Variants in EPHA5 observed in about 807,000 individuals in gnomAD.
EPHA5 encodes ephrin type-A receptor 5.
In EPHA5, 60 loss-of-function variants were observed where a neutral mutation model predicts 105.0. That is an observed-to-expected ratio of 0.57 (90% CI 0.46 to 0.71). EPHA5 has a LOEUF of 0.71. Ranked by LOEUF, EPHA5 falls within the 30% of genes least tolerant of loss-of-function variation. The pLI is 0.00. For missense variants in EPHA5, 1,218 were observed against 1,274.7 expected, an observed-to-expected ratio of 0.96 and a Z score of 0.68; for synonymous variants, 513 against 449.1, an observed-to-expected ratio of 1.14 and a Z score of -1.80.
rs1325275190 is a variant in EPHA5 at position 65,444,653 on chromosome 4, G to A, written c.1403-24088C>T. On this transcript the variant is annotated intron_variant, in intron 5 of 16. Transcript: ENST00000613740. ...TAAAATACTTAGTGTATAAATTGTG[G>A]ATTTACTTCAGATCAGAAACATTTT... Among the ~76,000 whole-genome samples, 3 of 152,016 alleles carry A rather than the reference G, an allele frequency of 2.0e-5. No individual in the cohort carries two copies. In the East Asian group the frequency reaches 5.8e-4, roughly 29 times the overall value.
Position 65,555,936 on chromosome 4 carries a change from A to T in EPHA5, c.910+45705T>A, listed in dbSNP as rs1313460613. Among the ~76,000 whole-genome samples, 6 of 152,280 alleles carry T rather than the reference A, an allele frequency of 3.9e-5. No homozygotes were observed. The East Asian group carries it at 1.2e-3, about 29-fold the overall frequency. On this transcript the variant is annotated intron_variant, in intron 3 of 16. Transcript: ENST00000613740. ...ACAAAAAAGACTATGGAAAACATAT[A>T]ACAGCTTTCCAAATGTTCAGAAATG...
At chr4:65,589,570 A>G (rs1412584527) in intron 3 of EPHA5, among the ~76,000 whole-genome samples, 2 of 152,186 alleles carry the variant, frequency 1.3e-5, no homozygotes, top group Non-Finnish European at 2.9e-5. Flanking sequence ...CTCTAAGTGA[A>G]GTATGGAAGA....
chr4:65,639,588 T>C (rs1747457829), intron 2 of EPHA5, among the ~76,000 whole-genome samples: 1 of 152,186 alleles, frequency 6.6e-6, no homozygotes, highest in Admixed American at 6.5e-5. Flanking sequence ...TTATCCTGCT[T>C]ATGTTTGCTG....
Position 65,323,872 on chromosome 4 carries a change from G to C in EPHA5, c.*242C>G, listed in dbSNP as rs1364087148. On this transcript the variant is annotated 3_prime_UTR_variant, in exon 17 of 17. Transcript: ENST00000613740. Reference sequence around the variant, plus strand: ...GGATTCTGTTGTTGTAACTTAAGATGATGTCTAACTTCATGTCCCTTTTAA... The same window carrying C: ...GGATTCTGTTGTTGTAACTTAAGATCATGTCTAACTTCATGTCCCTTTTAA... 3.0e-6 allele frequency: 1 copy of C among 329,014 alleles called. No individual in the cohort carries two copies. The highest frequency in any genetic ancestry group is 2.1e-5 in the African/African-American group (1 of 46,974). 20.4% of individuals were successfully genotyped at this position (329,014 alleles called of 1,614,324 possible).
At chr4:65,401,560 T>C (rs1054949857) in intron 8 of EPHA5, among the ~76,000 whole-genome samples, 13 of 152,150 alleles carry the variant, frequency 8.5e-5, no homozygotes, top group Non-Finnish European at 8.8e-5. Flanking sequence ...TAAAAAACTA[T>C]AAGCCTCAGA....
chr4:65,650,288 C>T (rs375484066), intron 1 of EPHA5, among the ~76,000 whole-genome samples: 19 of 151,878 alleles, frequency 1.3e-4, no homozygotes, highest in African/African-American at 2.2e-4. Context: ...TGGCTCACGC[C>T]TGTGATCCCA....
intron 3 of EPHA5, chr4:65,574,294 C>A: frequency 3.8e-6 from 6 of 1,564,804 alleles, no homozygotes; most frequent in South Asian, 1.2e-5. Context: ...TTTGCCCTGA[C>A]GAATGGAATT....
At chr4:65,441,867 T>G (rs1408179390) in intron 5 of EPHA5, among the ~76,000 whole-genome samples, 1 of 152,132 alleles carries the variant, frequency 6.6e-6, no homozygotes, top group East Asian at 1.9e-4. Flanking sequence ...CAATTGCACT[T>G]CTTGATTACA....
chr4:65,353,354 G>T (rs1183686123), intron 11 of EPHA5, among the ~76,000 whole-genome samples: 1 of 147,284 alleles, frequency 6.8e-6, no homozygotes. Flanking sequence ...ATTTTTTAAA[G>T]TATTTTAAAA....
In EPHA5 at chr4:65,366,026, A is replaced by T; in HGVS notation, c.1893T>A (p.Asp631Glu). The T allele has an allele frequency of 6.3e-7, 1 of 1,599,790 alleles. No individual in the cohort carries two copies. The part of the protein sequence containing the change: ...IKLPGVRTYI[D>E]PHTYEDPNQA... The stretch of plus-strand genomic sequence containing the variant: ...GATTGGGATCCTCATAGGTATGTGG[A>T]TCAATGTAAGTTCTTACTCCTGGCA... Residue 631 changes from aspartate to glutamate, a missense_variant, in exon 10 of 17, where the codon GAT becomes GAA. Physicochemically the swap from Asp to Glu is conservative, Grantham distance 45. Transcript: ENST00000613740.
intron 11 of EPHA5, among the ~76,000 whole-genome samples, chr4:65,362,680 C>T (rs1459228394): frequency 1.3e-5 from 2 of 151,518 alleles, no homozygotes; most frequent in South Asian, 4.1e-4. Flanking sequence ...AATATTGACA[C>T]TAGCTCCTAA....
intron 2 of EPHA5, among the ~76,000 whole-genome samples, chr4:65,629,768 A>T (rs1357334874): frequency 6.6e-6 from 1 of 152,120 alleles, no homozygotes; most frequent in Non-Finnish European, 1.5e-5. Flanking sequence ...CAATGTGTTT[A>T]ACGCATGATT....
At chr4:65,478,497 G>T (rs1730047232) in intron 5 of EPHA5, among the ~76,000 whole-genome samples, 1 of 151,652 alleles carries the variant, frequency 6.6e-6, no homozygotes, top group Non-Finnish European at 1.5e-5. Flanking sequence ...TCTAAAACAG[G>T]GTCTTCCTCT....
At chr4:65,542,137 A>G (rs1404592647) in intron 3 of EPHA5, among the ~76,000 whole-genome samples, 1 of 151,946 alleles carries the variant, frequency 6.6e-6, no homozygotes, top group Non-Finnish European at 1.5e-5. Context: ...GAAAGTTAGA[A>G]ATATCTCAAA....
chr4:65,508,181 G>A (rs78531531), intron 3 of EPHA5, among the ~76,000 whole-genome samples: 17,921 of 152,002 alleles, frequency 0.12, 1,378 homozygotes, highest in East Asian at 0.2. Context: ...TAAGCTGGAT[G>A]ATTTATTCTG....
rs148566551 is a variant in EPHA5, at chr4:65,661,120, A to G, written c.181+8442T>C. ...CAGTACCATTATTGCCGTAATACAG[A>G]TAATTGAGTTGAAGTTTAAAATAAA... On this transcript the variant is annotated intron_variant, in intron 1 of 16. Coordinates refer to ENST00000613740, the MANE Select transcript of EPHA5 (RefSeq NM_001281766.3). Among the ~76,000 whole-genome samples the G allele has an allele frequency of 4.7e-3, 714 of 152,312 alleles. 6 individuals carry two copies. The highest frequency in any genetic ancestry group is 0.016 in the African/African-American group (678 of 41,558).
At chr4:65,496,858 A>G (rs1188876420) in intron 3 of EPHA5, among the ~76,000 whole-genome samples, 1 of 152,176 alleles carries the variant, frequency 6.6e-6, no homozygotes, top group Non-Finnish European at 1.5e-5. Context: ...ATGGATTGGC[A>G]TGAATATTAT....
At chr4:65,417,410 A>G (rs1203074231) in intron 6 of EPHA5, among the ~76,000 whole-genome samples, 3 of 152,196 alleles carry the variant, frequency 2.0e-5, no homozygotes, top group Non-Finnish European at 2.9e-5. Flanking sequence ...TCTTTAAAAA[A>G]TCTTTATAGG....
intron 3 of EPHA5, among the ~76,000 whole-genome samples, chr4:65,565,384 A>G (rs2149364157): frequency 6.6e-6 from 1 of 151,834 alleles, no homozygotes; most frequent in Admixed American, 6.6e-5. Flanking sequence ...TCATTTTGAA[A>G]CTTCTACCCT....
Sources: gnomAD v4.1 joint callset for allele counts (sites outside exome capture counted in the v4.1 genomes callset) on GRCh38, gnomAD v4.1.1 for gene constraint, MANE v1.5 for transcripts, NCBI Gene and HGNC (gene_info 2026-07-23, HGNC 2026-07-21) for gene names.